AP2S1: variants seen among roughly 807,000 people sequenced by gnomAD.
AP2S1 encodes AP-2 complex subunit sigma.
A neutral mutation model predicts 21.0 loss-of-function variants in AP2S1; 6 were observed. The observed-to-expected ratio is 0.29, with a 90% CI of 0.16 to 0.56. AP2S1 has a LOEUF of 0.56. Ranked by LOEUF, AP2S1 falls within the 20% of genes least tolerant of loss-of-function variation. The probability of loss-of-function intolerance (pLI) is 0.92; values close to 1 mark genes in which losing one functional copy is unlikely to be tolerated. For synonymous variants in AP2S1, 63 were observed against 74.6 expected (o/e 0.84, Z 0.80); for missense variants, 60 against 186.2 (o/e 0.32, Z 3.95).
Position 46,838,476 on chromosome 19 carries a change from G to C in AP2S1, c.400C>G (p.Gln134Glu). ...TCCAGGGACTGTAGCATCAGCAGCT[G>C]TTTCAGCACCTTCGTCTGGCTGGTC... ...RETSQTKVLK[Q>E]LLMLQSLE Residue 134 changes from glutamine to glutamate, a missense_variant, in exon 5 of 5, where the codon CAG becomes GAG. Physicochemically the swap from Gln to Glu is conservative, Grantham distance 29. Transcript: ENST00000263270. This position sits in a 1 kb window ranked among gnomAD's most constrained non-coding sequence, Gnocchi z 4.1. The C allele has an allele frequency of 6.2e-7, 1 of 1,614,220 alleles. No individual in the cohort carries two copies. Among genetic ancestry groups the C allele is most frequent in the Non-Finnish European group, 8.5e-7 (1 of 1,180,026 alleles).
chr19:46,850,445 AC>A, intron 1 of AP2S1: 1 of 765,556 alleles, frequency 1.3e-6, no homozygotes, highest in Non-Finnish European at 1.8e-6. Flanking sequence ...CCTTCTCGCT[AC>A]CCACAAGACT....
At position 46,842,327 on chromosome 19, in the gene AP2S1, C is replaced by T. The variant is rs150490493; in HGVS notation, c.154-2749G>A. On this transcript the variant is annotated intron_variant, in intron 2 of 4. Transcript: ENST00000263270. ...CCCTCCCCCAGCCAGGCTCCTCGAT[C>T]CCAGCCCTGCCTACTGTGGTTGTCA... 3.3e-3 allele frequency among the ~76,000 whole-genome samples: 506 copies of T among 152,264 alleles called. 3 individuals are homozygous for T. The highest frequency in any genetic ancestry group is 0.012 in the African/African-American group (489 of 41,536).
chr19:46,840,367 C>CAAAA (rs60907407), intron 2 of AP2S1, among the ~76,000 whole-genome samples: 83 of 100,398 alleles, frequency 8.3e-4, no homozygotes, highest in African/African-American at 2.6e-3. Context: ...AGGTTCATTA[C>CAAAA]AAAAAAAAAA....
chr19:46,845,865 C>G, intron 2 of AP2S1, 128 bp downstream of exon 2: 1 of 1,221,322 alleles, frequency 8.2e-7, no homozygotes, highest in South Asian at 1.5e-5. Context: ...AAGCTCAAAG[C>G]AGGTTGAGTG....
In AP2S1 at chr19:46,838,565, C is replaced by T; in HGVS notation, c.328-17G>A. On this transcript the variant is annotated splice_polypyrimidine_tract_variant and intron_variant, in intron 4 of 4. Transcript: ENST00000263270. The surrounding 1 kb of genome is among the most constrained non-coding windows in gnomAD (Gnocchi z 4.1). Reference sequence around the variant, plus strand: ...CGTGTAAACCTGTGTGAGGGGAGACCCTGGGGTGAGACGAGGCCCCCCAGG... The same window carrying T: ...CGTGTAAACCTGTGTGAGGGGAGACTCTGGGGTGAGACGAGGCCCCCCAGG... 1 of 1,613,930 alleles carries T rather than the reference C, an allele frequency of 6.2e-7. No individual in the cohort carries two copies. Among genetic ancestry groups the T allele is most frequent in the Non-Finnish European group, 8.5e-7 (1 of 1,179,812 alleles).
intron 2 of AP2S1, among the ~76,000 whole-genome samples, chr19:46,842,181 A>AAAT (rs982686112): frequency 5.9e-5 from 9 of 151,930 alleles, no homozygotes; most frequent in South Asian, 2.1e-4. Flanking sequence ...ACCCTGTCTC[A>AAAT]AATAATAATA....
At chr19:46,845,923 G>C (rs971453672) in intron 2 of AP2S1, 70 bp downstream of exon 2, 2 of 1,597,822 alleles carry the variant, frequency 1.3e-6, no homozygotes, top group Non-Finnish European at 1.7e-6. Context: ...GCAACTAGAA[G>C]CTGGGCAGGG....
chr19:46,850,846 CA>C, upstream of AP2S1: 1 of 1,375,138 alleles, frequency 7.3e-7, no homozygotes, highest in Non-Finnish European at 9.8e-7. Flanking sequence ...TTGTAGGGCC[CA>C]GAGCTAGAGC....
chr19:46,842,224 G>C (rs2055535727), intron 2 of AP2S1, among the ~76,000 whole-genome samples: 1 of 152,030 alleles, frequency 6.6e-6, no homozygotes, highest in Admixed American at 6.6e-5. Context: ...GCATCTTCCA[G>C]TTGCCTACTC....
chr19:46,850,722 G>GC lies in AP2S1; in HGVS notation c.3+41dup, dbSNP rs377188979. 910 of 1,498,196 alleles carry GC rather than the reference G, an allele frequency of 6.1e-4. 11 individuals are homozygous for GC. In the East Asian group the frequency reaches 0.017, roughly 29 times the overall value. The allele number at this position is 1,498,196 out of a possible 1,614,324, so 92.8% of individuals were successfully genotyped here. A position where few individuals can be genotyped will look rare whatever the true frequency, so the allele number is the denominator to read the frequency against. ...TCCAGCCTCGGCTATTTACGCGTGGGCCCCCCCTCCGCCAGTCCCCGGCGT... is the reference window on the plus strand; with the variant it reads ...TCCAGCCTCGGCTATTTACGCGTGGGCCCCCCCCTCCGCCAGTCCCCGGCGT... On this transcript the variant is annotated intron_variant, in intron 1 of 4. Transcript: ENST00000263270.
chr19:46,850,413 C>T (rs2055717458), intron 1 of AP2S1: 5 of 1,089,376 alleles, frequency 4.6e-6, no homozygotes, highest in Non-Finnish European at 5.9e-6. Flanking sequence ...CTCTTTCGGA[C>T]GCCCTCTCCC....
At position 46,838,378 on chromosome 19, in the gene AP2S1, G is replaced by A. The variant is rs901076825; in HGVS notation, c.*69C>T. ...AGGGAAGGACTGCTGGGTTGGCCAC[G>A]GGCCTGGGAAGGGGAAGCGAGCAGG... is the stretch of plus-strand genomic sequence containing the variant. On this transcript the variant is annotated 3_prime_UTR_variant, in exon 5 of 5. Coordinates refer to ENST00000263270, the MANE Select transcript of AP2S1 (RefSeq NM_004069.6). This position sits in a 1 kb window ranked among gnomAD's most constrained non-coding sequence, Gnocchi z 4.1. 5.2e-5 allele frequency: 79 copies of A among 1,510,330 alleles called. 1 individual carries two copies. The South Asian group carries it at 7.0e-4, about 13-fold the overall frequency. The allele number at this position is 1,510,330 out of a possible 1,614,324, so 93.6% of individuals were successfully genotyped here.
chr19:46,839,835 A>G (rs2055486266), intron 2 of AP2S1, among the ~76,000 whole-genome samples: 1 of 107,786 alleles, frequency 9.3e-6, no homozygotes, highest in Admixed American at 1.0e-4. Flanking sequence ...CTGATCCTGG[A>G]GAGTCAGGAG....
chr19:46,838,269 C>T lies in AP2S1; in HGVS notation c.*178G>A, dbSNP rs1296155344. On this transcript the variant is annotated 3_prime_UTR_variant, in exon 5 of 5. Transcript: ENST00000263270. This position sits in a 1 kb window ranked among gnomAD's most constrained non-coding sequence, Gnocchi z 4.1. ...CGGGACACACACGGTGGCCTCTGCC[C>T]ACAGCCAGGGCCCAGAGGCAGTGGG... 1.6e-6 allele frequency: 1 copy of T among 618,154 alleles called. No homozygotes were observed. Among genetic ancestry groups the T allele is most frequent in the African/African-American group, 1.8e-5 (1 of 54,290 alleles). 38.3% of individuals were successfully genotyped at this position (618,154 alleles called of 1,614,324 possible). A position where few individuals can be genotyped will look rare whatever the true frequency, so the allele number is the denominator to read the frequency against.
rs1234390714 is a variant in AP2S1, at chr19:46,850,069, C to G, written c.3+695G>C. On this transcript the variant is annotated intron_variant, in intron 1 of 4. Coordinates refer to ENST00000263270, the MANE Select transcript of AP2S1 (RefSeq NM_004069.6). ...ACTTTCAAGCCTACTCCCCACCCCA[C>G]AAGATCTCTCCTCTTGGAAAGACCT... is the stretch of plus-strand genomic sequence containing the variant. 4.2e-6 allele frequency: 5 copies of G among 1,187,090 alleles called. No homozygotes were observed. The African/African-American group carries it at 7.9e-5, about 19-fold the overall frequency. The allele number at this position is 1,187,090 out of a possible 1,614,324, so 73.5% of individuals were successfully genotyped here.
intron 2 of AP2S1, among the ~76,000 whole-genome samples, chr19:46,841,626 G>A (rs1472232444): frequency 6.6e-6 from 1 of 152,248 alleles, no homozygotes; most frequent in Non-Finnish European, 1.5e-5. Flanking sequence ...GACTGAGCCT[G>A]TGGGGGAAGC....
At position 46,838,388 on chromosome 19, in the gene AP2S1, A is replaced by C; in HGVS notation, c.*59T>G. The C allele has an allele frequency of 1.3e-6, 2 of 1,548,756 alleles. No homozygotes were observed. Among genetic ancestry groups the C allele is most frequent in the Non-Finnish European group, 1.8e-6 (2 of 1,123,414 alleles). On this transcript the variant is annotated 3_prime_UTR_variant, in exon 5 of 5. Coordinates refer to ENST00000263270, the MANE Select transcript of AP2S1 (RefSeq NM_004069.6). This position sits in a 1 kb window ranked among gnomAD's most constrained non-coding sequence, Gnocchi z 4.1. ...TGCTGGGTTGGCCACGGGCCTGGGA[A>C]GGGGAAGCGAGCAGGCGAGTCCAGG...
rs554941340 is a variant in AP2S1, at chr19:46,839,680, G to A, written c.154-102C>T. The A allele has an allele frequency of 7.0e-5, 109 of 1,551,746 alleles. 4 individuals carry two copies. The South Asian group carries it at 8.3e-4, about 12-fold the overall frequency. The stretch of plus-strand genomic sequence containing the variant: ...ACTCCTTCACTCCATACGTGGTCCC[G>A]AGGCCCAGCTCTGTGCCTGGCCCTG... On this transcript the variant is annotated intron_variant, in intron 2 of 4. Coordinates refer to ENST00000263270, the MANE Select transcript of AP2S1 (RefSeq NM_004069.6).
chr19:46,840,581 T>G (rs113618069), intron 2 of AP2S1, among the ~76,000 whole-genome samples: 2,389 of 151,834 alleles, frequency 0.016, 73 homozygotes, highest in African/African-American at 0.054. Context: ...TCAAAGCTGC[T>G]GTGAGCCACG....
Sources: gnomAD v4.1 joint callset for allele counts (sites outside exome capture counted in the v4.1 genomes callset) on GRCh38, gnomAD v4.1.1 for gene constraint, Gnocchi (gnomAD v3.1) non-coding constraint, MANE v1.5 for transcripts, NCBI Gene and HGNC (gene_info 2026-07-23, HGNC 2026-07-21) for gene names.